The following CTNNA2 variants were observed in gnomAD, a reference collection of about 807,000 sequenced individuals.
The protein encoded by CTNNA2 is catenin alpha-2.
Under a neutral mutation model 101.0 loss-of-function variants are expected in CTNNA2, and 42 were observed. The observed-to-expected ratio is 0.42, with a 90% CI of 0.32 to 0.54. The LOEUF (loss-of-function observed/expected upper bound fraction) is 0.54. Ranked by LOEUF, CTNNA2 falls within the 20% of genes least tolerant of loss-of-function variation. The pLI is 0.14. For synonymous variants in CTNNA2, 450 were observed against 456.4 expected (o/e 0.99, Z 0.18); for missense variants, 871 against 1,223.1 (o/e 0.71, Z 4.29).
intron 7 of CTNNA2, among the ~76,000 whole-genome samples, chr2:80,238,599 A>G (rs1313124616): frequency 1.3e-5 from 2 of 152,174 alleles, no homozygotes; most frequent in African/African-American, 4.8e-5. Flanking sequence ...GAAAATAAGA[A>G]CATGAAACAG....
intron 7 of CTNNA2, among the ~76,000 whole-genome samples, chr2:79,930,355 A>AGAAAGAAAGAAAGAAC (rs1472407347): frequency 2.9e-5 from 3 of 104,878 alleles, no homozygotes; most frequent in Non-Finnish European, 4.4e-5. Flanking sequence ...AAAGAAAGAA[A>AGAAAGAAAGAAAGAAC]GAATGAACAC....
At chr2:79,196,439 G>GT (rs1339026416) in intron 1 of CTNNA2, among the ~76,000 whole-genome samples, 12 of 152,230 alleles carry the variant, frequency 7.9e-5, no homozygotes, top group South Asian at 6.2e-4. Flanking sequence ...AATCAGTGTT[G>GT]TTTTAACTTC....
intron 1 of CTNNA2, among the ~76,000 whole-genome samples, chr2:79,555,526 G>T (rs1393616712): frequency 1.3e-5 from 2 of 152,086 alleles, no homozygotes; most frequent in Non-Finnish European, 2.9e-5. Flanking sequence ...CATTTTAACT[G>T]CTCTATTTTA....
In CTNNA2 at chr2:80,174,460, G is replaced by T. The variant is rs148061173; in HGVS notation, c.1057-218751G>T. On this transcript the variant is annotated intron_variant, in intron 7 of 18. Transcript: ENST00000402739. Reference sequence around the variant, plus strand: ...TACCTTCCTTGGGCTGTTTTTCCAAGACTCTGGACCATTTATGCCATAATT... The same window carrying T: ...TACCTTCCTTGGGCTGTTTTTCCAATACTCTGGACCATTTATGCCATAATT... 3.3e-3 allele frequency among the ~76,000 whole-genome samples: 498 copies of T among 152,206 alleles called. 5 individuals are homozygous for T. Among genetic ancestry groups the T allele is most frequent in the Non-Finnish European group, 3.5e-3 (235 of 68,014 alleles).
At chr2:80,152,696 A>G (rs1703780386) in intron 7 of CTNNA2, among the ~76,000 whole-genome samples, 1 of 144,462 alleles carries the variant, frequency 6.9e-6, no homozygotes, top group African/African-American at 2.9e-5. Context: ...CCTTTATTGT[A>G]CTTAAAAAAA....
chr2:80,465,787 C>T (rs1684806193), intron 9 of CTNNA2, among the ~76,000 whole-genome samples: 1 of 152,114 alleles, frequency 6.6e-6, no homozygotes, highest in African/African-American at 2.4e-5. Flanking sequence ...TTTTATGATG[C>T]AGTTAGAATG....
chr2:80,292,439 A>G (rs932778625), intron 7 of CTNNA2, among the ~76,000 whole-genome samples: 1 of 152,098 alleles, frequency 6.6e-6, no homozygotes, highest in Admixed American at 6.5e-5. Context: ...ACCTCAGTTT[A>G]CCTGTTTGTA....
chr2:80,186,417 G>A (rs1201970600), intron 7 of CTNNA2, among the ~76,000 whole-genome samples: 1 of 152,180 alleles, frequency 6.6e-6, no homozygotes, highest in Non-Finnish European at 1.5e-5. Flanking sequence ...TAGCATGCAT[G>A]TCTGCATGTC....
chr2:79,190,568 T>C (rs771075425), intron 1 of CTNNA2, among the ~76,000 whole-genome samples: 1 of 152,094 alleles, frequency 6.6e-6, no homozygotes, highest in Non-Finnish European at 1.5e-5. Context: ...GGCTGGAAAG[T>C]AGACTCCTGC....
In CTNNA2 at chr2:80,500,293, T is replaced by C. The variant is rs73941155; in HGVS notation, c.1291-44689T>C. Among the ~76,000 whole-genome samples the C allele has an allele frequency of 2.1e-3, 318 of 152,322 alleles. 1 individual carries two copies. Among genetic ancestry groups the C allele is most frequent in the African/African-American group, 7.1e-3 (294 of 41,578 alleles). On this transcript the variant is annotated intron_variant, in intron 9 of 18. Transcript: ENST00000402739. ...GTTTTGTTCTCAAAACTCTTCCTCC[T>C]GCTACTTCTTTTAACAGCTCCCTGC...
At chr2:79,855,626 G>A (rs533094832) in intron 3 of CTNNA2, among the ~76,000 whole-genome samples, 5 of 152,216 alleles carry the variant, frequency 3.3e-5, no homozygotes, top group Admixed American at 3.3e-4. Context: ...TCTCCTCCTG[G>A]GGATCTCTGT....
Position 80,617,944 on chromosome 2 carries a change from CT to C in CTNNA2, c.2431-1140del, listed in dbSNP as rs933548739. Among the ~76,000 whole-genome samples the C allele has an allele frequency of 9.2e-5, 14 of 151,798 alleles. 1 individual carries two copies. In the South Asian group the frequency reaches 2.7e-3, roughly 29 times the overall value. On this transcript the variant is annotated intron_variant, in intron 17 of 18. Transcript: ENST00000402739. ...ATGTCTAGGTTTCCTAAATTTTTTT[CT>C]GTGGAAAGAGATGGTTTCACTTTTC...
intron 9 of CTNNA2, among the ~76,000 whole-genome samples, chr2:80,425,141 T>G (rs1439938487): frequency 6.6e-6 from 1 of 152,210 alleles, no homozygotes; most frequent in Non-Finnish European, 1.5e-5. Context: ...CCTCTCTTTT[T>G]GATGTAGTTT....
At position 80,462,577 on chromosome 2, in the gene CTNNA2, A is replaced by G. The variant is rs546383605; in HGVS notation, c.1290+42976A>G. ...TGATTTCATCTAGGTACAATTTTCT[A>G]TCTCTCTTATGTATCTCATTTTTCT... On this transcript the variant is annotated intron_variant, in intron 9 of 18. Transcript: ENST00000402739. Among the ~76,000 whole-genome samples, 24 of 138,614 alleles carry G rather than the reference A, an allele frequency of 1.7e-4. 1 individual carries two copies. The South Asian group carries it at 5.5e-3, about 32-fold the overall frequency. 90.9% of individuals were successfully genotyped at this position (138,614 alleles called of 152,430 possible).
intron 4 of CTNNA2, among the ~76,000 whole-genome samples, chr2:79,471,844 C>CAA (rs1025971380): frequency 6.8e-6 from 1 of 146,016 alleles, no homozygotes; most frequent in East Asian, 2.0e-4. Flanking sequence ...TCTCAAAAAA[C>CAA]AAAAAAAAAA....
intron 7 of CTNNA2, among the ~76,000 whole-genome samples, chr2:79,927,041 C>T: frequency 6.6e-6 from 1 of 151,864 alleles, no homozygotes; most frequent in East Asian, 1.9e-4. Context: ...TACTTTGGGG[C>T]TAGGGATGAC....
intron 7 of CTNNA2, among the ~76,000 whole-genome samples, chr2:80,186,477 C>T (rs1046521227): frequency 2.6e-5 from 4 of 152,144 alleles, no homozygotes; most frequent in Non-Finnish European, 4.4e-5. Context: ...TCTAAATAGG[C>T]TCTGGGTGTT....
chr2:80,090,138 CT>C (rs1699694975), intron 7 of CTNNA2, among the ~76,000 whole-genome samples: 1 of 86,596 alleles, frequency 1.2e-5, no homozygotes, highest in Non-Finnish European at 2.2e-5. Flanking sequence ...GTTTCACTCT[CT>C]CTCTCTCTGT....
chr2:80,623,787 A>G (rs1012888931), intron 18 of CTNNA2, among the ~76,000 whole-genome samples: 11 of 151,920 alleles, frequency 7.2e-5, no homozygotes, highest in African/African-American at 2.7e-4. Flanking sequence ...TTTTCACACC[A>G]AAGTTTTAGA....
Sources: allele counts gnomAD v4.1 joint callset (sites outside exome capture counted in the v4.1 genomes callset), GRCh38; gene constraint gnomAD v4.1.1; transcripts MANE v1.5; gene names NCBI Gene and HGNC (gene_info 2026-07-23, HGNC 2026-07-21).